The following MARVELD3 variants were observed in gnomAD, a reference collection of about 807,000 sequenced individuals.
MARVELD3 encodes MARVEL domain containing 3.
In MARVELD3, 28 loss-of-function variants were observed where a neutral mutation model predicts 33.5. That is an observed-to-expected ratio of 0.84 (90% CI 0.62 to 1.15). The LOEUF is 1.15. MARVELD3 is among the 50% of genes most tolerant of loss of function. The pLI is 0.00. For missense variants in MARVELD3, 582 were observed against 547.6 expected, an observed-to-expected ratio of 1.06 and a Z score of -0.63; for synonymous variants, 241 against 230.4, an observed-to-expected ratio of 1.05 and a Z score of -0.42.
chr16:71,640,941 C>A (rs138854747), downstream of MARVELD3: 1 of 1,613,924 alleles, frequency 6.2e-7, no homozygotes, highest in Non-Finnish European at 8.5e-7. Flanking sequence ...GCGTAGCTAC[C>A]GAGAACAGAA....
In MARVELD3 at chr16:71,626,548, T is replaced by C; in HGVS notation, c.319T>C (p.Trp107Arg). 1.3e-6 allele frequency: 2 copies of C among 1,549,002 alleles called. No homozygotes were observed. Among genetic ancestry groups the C allele is most frequent in the African/African-American group, 2.7e-5 (2 of 73,012 alleles). Residue 107 changes from tryptophan (W) to arginine (R), a missense_variant, in exon 1 of 3, where the codon TGG becomes CGG. Coordinates refer to ENST00000268485, the MANE Select transcript of MARVELD3 (RefSeq NM_052858.6). This position sits in a 1 kb window ranked among gnomAD's most constrained non-coding sequence, Gnocchi z 5.3. ...AGPRAGEHGV[W>R]EKPRQSRTRD... ...CCCTCGCGCAGGTGAACACGGAGTTTGGGAAAAACCGCGCCAAAGCCGGAC... is the reference window on the plus strand; with the variant it reads ...CCCTCGCGCAGGTGAACACGGAGTTCGGGAAAAACCGCGCCAAAGCCGGAC...
chr16:71,626,247 G>T lies in MARVELD3; in HGVS notation c.18G>T (p.Gly6=). ...ACCCGGCCATGGAAGATCCGTCGGG[G>T]GCTCGCGAGCCCCGGGCCCGGCCGA... The part of the protein sequence containing the change: MEDPS[G]AREPRARPRE... Residue 6 remains glycine, a synonymous_variant, in exon 1 of 3, where the codon GGG becomes GGT. Coordinates refer to ENST00000268485, the MANE Select transcript of MARVELD3 (RefSeq NM_052858.6). The surrounding 1 kb of genome is among the most constrained non-coding windows in gnomAD (Gnocchi z 5.3). The T allele has an allele frequency of 3.3e-6, 5 of 1,508,430 alleles. No individual in the cohort carries two copies. The highest frequency in any genetic ancestry group is 4.4e-6 in the Non-Finnish European group (5 of 1,130,826). 93.4% of individuals were successfully genotyped at this position (1,508,430 alleles called of 1,614,324 possible). A position where few individuals can be genotyped will look rare whatever the true frequency, so the allele number is the denominator to read the frequency against.
chr16:71,634,173 G>C lies in MARVELD3; in HGVS notation c.596-20G>C, dbSNP rs771970271. 6.3e-7 allele frequency: 1 copy of C among 1,581,480 alleles called. No homozygotes were observed. Among genetic ancestry groups the C allele is most frequent in the East Asian group, 2.2e-5 (1 of 44,558 alleles). On this transcript the variant is annotated intron_variant, in intron 2 of 2. Coordinates refer to ENST00000268485, the MANE Select transcript of MARVELD3 (RefSeq NM_052858.6). ...TGCCAAACAGCATCACTCAAAAATG[G>C]TAACACCCTTTTTTTGCAGCCTGCT...
chr16:71,626,275 G>C lies in MARVELD3; in HGVS notation c.46G>C (p.Glu16Gln). The change falls in exon 1 of 3, where the codon GAG (glutamate) becomes CAG (glutamine). Residue 16 changes from glutamate to glutamine, a missense_variant. By Grantham distance (29) the Glu-to-Gln change is conservative. Transcript: ENST00000268485. The surrounding 1 kb of genome is among the most constrained non-coding windows in gnomAD (Gnocchi z 5.3). ...GAREPRARPR[E>Q]RDPGRRPHPD... ...TCGCGAGCCCCGGGCCCGGCCGAGAGAGCGGGACCCGGGACGGCGCCCCCA... is the reference window on the plus strand; with the variant it reads ...TCGCGAGCCCCGGGCCCGGCCGAGACAGCGGGACCCGGGACGGCGCCCCCA... 3 of 1,539,362 alleles carry C rather than the reference G, an allele frequency of 1.9e-6. No individual in the cohort carries two copies. The highest frequency in any genetic ancestry group is 1.8e-4 in the Middle Eastern group (1 of 5,660).
chr16:71,640,644 GT>G, downstream of MARVELD3: 1 of 1,614,240 alleles, frequency 6.2e-7, no homozygotes, highest in Non-Finnish European at 8.5e-7. Flanking sequence ...CACCATGGGT[GT>G]TTTACTCCAA....
rs2044479259 is a variant in MARVELD3 at position 71,626,959 on chromosome 16, A to C, written c.467+263A>C. On this transcript the variant is annotated intron_variant, in intron 1 of 2. Coordinates refer to ENST00000268485, the MANE Select transcript of MARVELD3 (RefSeq NM_052858.6). The surrounding 1 kb of genome is among the most constrained non-coding windows in gnomAD (Gnocchi z 5.3). ...TGGGCTGGAGGACCTGGAGAAGAGA[A>C]AGAGAGGCCCCGGGACCCGAGAGGG... The C allele has an allele frequency of 7.9e-6, 3 of 379,820 alleles. No homozygotes were observed. Among genetic ancestry groups the C allele is most frequent in the East Asian group, 4.5e-5 (1 of 22,262 alleles). 23.5% of individuals were successfully genotyped at this position (379,820 alleles called of 1,614,324 possible).
intron 2 of MARVELD3, among the ~76,000 whole-genome samples, chr16:71,630,091 A>G (rs1464712058): frequency 2.0e-5 from 3 of 151,702 alleles, no homozygotes; most frequent in Admixed American, 2.0e-4. Context: ...TAAAAAAAAA[A>G]AAAAAAGGGA....
chr16:71,632,239 G>A (rs1321352283), intron 2 of MARVELD3, among the ~76,000 whole-genome samples: 1 of 152,188 alleles, frequency 6.6e-6, no homozygotes, highest in Admixed American at 6.5e-5. Flanking sequence ...GAAATTTCTA[G>A]GCTAATGAGA....
intron 1 of MARVELD3, among the ~76,000 whole-genome samples, chr16:71,628,633 G>A (rs1167261485): frequency 6.6e-6 from 1 of 152,066 alleles, no homozygotes; most frequent in African/African-American, 2.4e-5. Flanking sequence ...TGGAAAAGCA[G>A]TCATCTTTTG....
Position 71,626,680 on chromosome 16 carries a change from C to A in MARVELD3, c.451C>A (p.Arg151Ser). Reference sequence around the variant, plus strand: ...GCCGCAGAGGAAGGGAGACCCCGGGCGCCGCAGACCCGAAAGGTGAGAGGG... The same window carrying A: ...GCCGCAGAGGAAGGGAGACCCCGGGAGCCGCAGACCCGAAAGGTGAGAGGG... ...PQPQRKGDPG[R>S]RRPESEPPSE... Residue 151 changes from arginine (R) to serine (S), a missense_variant, in exon 1 of 3, where the codon CGC becomes AGC. Transcript: ENST00000268485. The surrounding 1 kb of genome is among the most constrained non-coding windows in gnomAD (Gnocchi z 5.3). 6.7e-7 allele frequency: 1 copy of A among 1,503,302 alleles called. No homozygotes were observed. The highest frequency in any genetic ancestry group is 1.3e-5 in the South Asian group (1 of 77,218). 93.1% of individuals were successfully genotyped at this position (1,503,302 alleles called of 1,614,324 possible).
intron 1 of MARVELD3, among the ~76,000 whole-genome samples, chr16:71,628,832 G>A (rs971539075): frequency 3.9e-5 from 6 of 152,116 alleles, no homozygotes; most frequent in African/African-American, 1.4e-4. Context: ...CTTGGACAAA[G>A]CCCAGGATGT....
intron 1 of MARVELD3, among the ~76,000 whole-genome samples, chr16:71,628,652 G>T (rs117649453): frequency 6.6e-5 from 10 of 152,038 alleles, no homozygotes; most frequent in African/African-American, 1.9e-4. Flanking sequence ...TGAGGGGAAG[G>T]GGGTAGTTCA....
rs761295472 is a variant in MARVELD3 at position 71,634,193 on chromosome 16, C to G, written c.596C>G (p.Ala199Gly). The change falls in exon 3 of 3, where the codon GCC (alanine) becomes GGC (glycine). Residue 199 changes from alanine to glycine, a missense_variant and splice_region_variant. Transcript: ENST00000268485. ...HKCKYLCTGR[A>G]CCQMLEVLLN... ...AAATGGTAACACCCTTTTTTTGCAG[C>G]CTGCTGCCAAATGCTGGAGGTTCTC... The G allele has an allele frequency of 3.9e-5, 62 of 1,584,160 alleles. No homozygotes were observed. Among genetic ancestry groups the G allele is most frequent in the Admixed American group, 5.5e-5 (3 of 54,234 alleles).
intron 1 of MARVELD3, among the ~76,000 whole-genome samples, chr16:71,628,304 G>A (rs926142307): frequency 2.6e-5 from 4 of 152,194 alleles, no homozygotes. Context: ...GGAGGCCGAA[G>A]CGGGCAGATC....
intron 1 of MARVELD3, among the ~76,000 whole-genome samples, chr16:71,628,105 C>T (rs965417956): frequency 2.6e-5 from 4 of 152,200 alleles, no homozygotes; most frequent in African/African-American, 7.2e-5. Flanking sequence ...AACTAACTAG[C>T]ATAACAAAGG....
Position 71,635,277 on chromosome 16 carries a change from C to T in MARVELD3, c.*474C>T, listed in dbSNP as rs2044573017. 3.2e-6 allele frequency: 3 copies of T among 937,972 alleles called. No individual in the cohort carries two copies. Among genetic ancestry groups the T allele is most frequent in the South Asian group, 4.9e-5 (1 of 20,326 alleles). The allele number at this position is 937,972 out of a possible 1,614,324, so 58.1% of individuals were successfully genotyped here. On this transcript the variant is annotated 3_prime_UTR_variant, in exon 3 of 3. Transcript: ENST00000268485. ...CTGGGAGGCGGAGATTGCAGTGAGC[C>T]GAGATCCCGCCACTGCACTCCAGCC...
In MARVELD3 at chr16:71,626,830, G is replaced by A; in HGVS notation, c.467+134G>A. ...TGAACAAATGCCGTTTCTCCCTTCT[G>A]CGCTCTCAGAGGCGACCTGGCAGGG... is the stretch of plus-strand genomic sequence containing the variant. On this transcript the variant is annotated intron_variant, in intron 1 of 2. Transcript: ENST00000268485. The surrounding 1 kb of genome is among the most constrained non-coding windows in gnomAD (Gnocchi z 5.3). The A allele has an allele frequency of 1.3e-6, 1 of 794,286 alleles. No individual in the cohort carries two copies. 49.2% of individuals were successfully genotyped at this position (794,286 alleles called of 1,614,324 possible).
At chr16:71,640,750 G>A (rs2044612239), downstream of MARVELD3, 1 of 1,614,220 alleles carries the variant, frequency 6.2e-7, no homozygotes, top group Non-Finnish European at 8.5e-7. Context: ...ACAGGCATTG[G>A]TGTTTACCTC....
At position 71,626,323 on chromosome 16, in the gene MARVELD3, G is replaced by T. The variant is rs879727508; in HGVS notation, c.94G>T (p.Asp32Tyr). The change falls in exon 1 of 3, where the codon GAT becomes TAT. Residue 32 changes from aspartate (D) to tyrosine (Y), a missense_variant. Coordinates refer to ENST00000268485, the MANE Select transcript of MARVELD3 (RefSeq NM_052858.6). This position sits in a 1 kb window ranked among gnomAD's most constrained non-coding sequence, Gnocchi z 5.3. ...CCACCCAGACCAAGGCCGCACCCAC[G>T]ATCGACCGCGGGACCGACCCGGGGA... is the stretch of plus-strand genomic sequence containing the variant. ...RPHPDQGRTH[D>Y]RPRDRPGDPR... The T allele has an allele frequency of 8.4e-6, 13 of 1,548,158 alleles. No individual in the cohort carries two copies. The Admixed American group carries it at 2.2e-4, about 26-fold the overall frequency.
Sources: gnomAD v4.1 joint callset for allele counts (sites outside exome capture counted in the v4.1 genomes callset) on GRCh38, gnomAD v4.1.1 for gene constraint, Gnocchi (gnomAD v3.1) non-coding constraint, MANE v1.5 for transcripts, NCBI Gene and HGNC (gene_info 2026-07-23, HGNC 2026-07-21) for gene names.